The following DDX52 variants were observed in gnomAD, a reference collection of about 807,000 sequenced individuals.
The protein encoded by DDX52 is probable ATP-dependent RNA helicase DDX52.
Under a neutral mutation model 76.1 loss-of-function variants are expected in DDX52, and 59 were observed. The ratio of observed to expected loss-of-function variants is 0.78; its 90% confidence interval spans 0.63 to 0.96. The LOEUF is 0.96. Ranked by LOEUF, DDX52 falls within the 40% of genes least tolerant of loss-of-function variation. DDX52 has a pLI of 0.00. For missense variants in DDX52, 707 were observed against 703.9 expected, an observed-to-expected ratio of 1.00 and a Z score of -0.05; for synonymous variants, 231 against 244.1, an observed-to-expected ratio of 0.95 and a Z score of 0.50.
intron 7 of DDX52, 64 bp downstream of exon 7, chr17:37,626,724 G>A: frequency 2.6e-6 from 4 of 1,516,780 alleles, no homozygotes; most frequent in Non-Finnish European, 3.6e-6. Context: ...ACAAGCAATA[G>A]AGGACAAAAT....
Position 37,639,772 on chromosome 17 carries a change from A to G in DDX52, c.286+2338T>C, listed in dbSNP as rs1445321550. Among the ~76,000 whole-genome samples, 4 of 152,070 alleles carry G rather than the reference A, an allele frequency of 2.6e-5. No individual in the cohort carries two copies. In the East Asian group the frequency reaches 5.8e-4, roughly 22 times the overall value. On this transcript the variant is annotated intron_variant, in intron 2 of 14. Transcript: ENST00000617633. Reference sequence around the variant, plus strand: ...AAAAAAAAAATTGATACATGCCTACACATTTATCATAGATCTACGGCCTAA... The same window carrying G: ...AAAAAAAAAATTGATACATGCCTACGCATTTATCATAGATCTACGGCCTAA...
intron 4 of DDX52, 39 bp downstream of exon 4, chr17:37,632,074 G>A: frequency 3.7e-6 from 6 of 1,611,606 alleles, no homozygotes; most frequent in Non-Finnish European, 5.1e-6. Context: ...AACACACAGA[G>A]GAAGGAATGT....
intron 9 of DDX52, 170 bp downstream of exon 9, chr17:37,624,174 G>A: frequency 2.3e-6 from 1 of 433,208 alleles, no homozygotes; most frequent in Non-Finnish European, 4.1e-6. Context: ...TAAATACGAT[G>A]CAGGATGATC....
intron 9 of DDX52, 90 bp downstream of exon 9, chr17:37,624,254 T>C (rs1313029473): frequency 1.2e-6 from 1 of 849,244 alleles, no homozygotes; most frequent in African/African-American, 1.7e-5. Context: ...AAGATGATGA[T>C]GATACAGTGC....
chr17:37,621,052 T>A (rs2030057920), intron 11 of DDX52, 75 bp downstream of exon 11: 1 of 1,557,280 alleles, frequency 6.4e-7, no homozygotes, highest in Non-Finnish European at 8.6e-7. Context: ...GAAGTGAGCA[T>A]ATGTGCAGGG....
intron 2 of DDX52, among the ~76,000 whole-genome samples, chr17:37,636,618 A>C (rs948867042): frequency 6.6e-6 from 1 of 152,248 alleles, no homozygotes; most frequent in Non-Finnish European, 1.5e-5. Flanking sequence ...AATTCTGCTT[A>C]AAACTGAAGC....
chr17:37,618,048 G>A (rs2029887453), intron 14 of DDX52, among the ~76,000 whole-genome samples: 1 of 152,190 alleles, frequency 6.6e-6, no homozygotes. Flanking sequence ...CCGGGAGGCA[G>A]AGGTTGCAGT....
Position 37,628,592 on chromosome 17 carries a change from C to A in DDX52, c.828G>T (p.Lys276Asn), listed in dbSNP as rs140087840. Residue 276 changes from lysine (K) to asparagine (N), a missense_variant, in exon 6 of 15, where the codon AAG becomes AAT. Transcript: ENST00000617633. Reference protein sequence around the residue: ...HMIHKAAVAAKKFGPKSSKKF... With the variant: ...HMIHKAAVAANKFGPKSSKKF... ...TTTTAGATGATTTAGGTCCAAATTT[C>A]TTGGCTGCCACTGCTGCTTTGTGGA... 7.4e-6 allele frequency: 12 copies of A among 1,612,770 alleles called. No homozygotes were observed. Among genetic ancestry groups the A allele is most frequent in the Non-Finnish European group, 1.0e-5 (12 of 1,179,636 alleles).
chr17:37,625,867 G>C, intron 8 of DDX52, 28 bp downstream of exon 8: 2 of 1,612,042 alleles, frequency 1.2e-6, no homozygotes, highest in Non-Finnish European at 1.7e-6. Flanking sequence ...AAAAATCAGT[G>C]TGATAATGTT....
At chr17:37,622,930 A>G (rs1364553357) in intron 9 of DDX52, among the ~76,000 whole-genome samples, 1 of 152,182 alleles carries the variant, frequency 6.6e-6, no homozygotes, top group Non-Finnish European at 1.5e-5. Flanking sequence ...TGAGGTAGAT[A>G]TTATTATCCC....
Position 37,633,421 on chromosome 17 carries a change from A to G in DDX52, c.287-3T>C, listed in dbSNP as rs760806646. ...ACCTTCTTCTTGGGAAGCAATTTCTAAAATATATTTTTAAAAAGTAAAAGA... is the reference window on the plus strand; with the variant it reads ...ACCTTCTTCTTGGGAAGCAATTTCTGAAATATATTTTTAAAAAGTAAAAGA... On this transcript the variant is annotated splice_region_variant and splice_polypyrimidine_tract_variant and intron_variant, in intron 2 of 14. Coordinates refer to ENST00000617633, the MANE Select transcript of DDX52 (RefSeq NM_007010.5). The G allele has an allele frequency of 6.4e-7, 1 of 1,553,858 alleles. No individual in the cohort carries two copies. Among genetic ancestry groups the G allele is most frequent in the South Asian group, 1.3e-5 (1 of 78,880 alleles).
Position 37,614,102 on chromosome 17 carries a change from G to T in DDX52, c.*194C>A. 1 of 581,024 alleles carries T rather than the reference G, an allele frequency of 1.7e-6. No individual in the cohort carries two copies. Among genetic ancestry groups the T allele is most frequent in the Non-Finnish European group, 2.9e-6 (1 of 348,374 alleles). 36.0% of individuals were successfully genotyped at this position (581,024 alleles called of 1,614,324 possible). A position where few individuals can be genotyped will look rare whatever the true frequency, so the allele number is the denominator to read the frequency against. ...ACATGGCAAGACCCTCATCTCTACA[G>T]GAAAAAAAAAAGGCACCTACAAATT... On this transcript the variant is annotated 3_prime_UTR_variant, in exon 15 of 15. Coordinates refer to ENST00000617633, the MANE Select transcript of DDX52 (RefSeq NM_007010.5).
At chr17:37,639,542 A>C in intron 2 of DDX52, 1 of 584,642 alleles carries the variant, frequency 1.7e-6, no homozygotes, top group Non-Finnish European at 2.2e-6. Context: ...TCGAGACCAT[A>C]CTGGCTAACA....
chr17:37,640,480 C>T (rs995417120), intron 2 of DDX52, among the ~76,000 whole-genome samples: 8 of 151,524 alleles, frequency 5.3e-5, no homozygotes, highest in African/African-American at 1.9e-4. Flanking sequence ...GGCATAAATA[C>T]ATAGGAATAG....
At chr17:37,629,640 C>T (rs2030579132) in intron 5 of DDX52, among the ~76,000 whole-genome samples, 2 of 152,114 alleles carry the variant, frequency 1.3e-5, no homozygotes, top group Non-Finnish European at 2.9e-5. Flanking sequence ...CACTGCATGC[C>T]AGCCTGGGTA....
rs760581408 is a variant in DDX52, at chr17:37,630,031, T to C, written c.746A>G (p.Gln249Arg). 1 of 1,609,044 alleles carries C rather than the reference T, an allele frequency of 6.2e-7. No homozygotes were observed. The part of the protein sequence containing the change: ...IISPTRELAS[Q>R]IHRELIKISE... ...CTCTTCAAAAGCTACAAGTCATACC[T>C]GGCTGGCAAGTTCTCGTGTTGGTGA... Residue 249 changes from glutamine to arginine, a missense_variant and splice_region_variant, in exon 5 of 15, where the codon CAG (glutamine) becomes CGG (arginine). Physicochemically the swap from Gln to Arg is conservative, Grantham distance 43 (BLOSUM62 1). Transcript: ENST00000617633.
intron 4 of DDX52, chr17:37,631,899 G>T (rs769919012): frequency 4.4e-5 from 26 of 596,270 alleles, no homozygotes; most frequent in Admixed American, 6.3e-5. Context: ...GCAGTGTGGG[G>T]GAAAGGGTAC....
chr17:37,628,749 A>C, intron 5 of DDX52, 77 bp from the exon 6 acceptor site: 1 of 1,047,434 alleles, frequency 9.5e-7, no homozygotes. Flanking sequence ...TGATTAATGA[A>C]ATAAATCTAT....
chr17:37,614,245 T>C lies in DDX52; in HGVS notation c.*51A>G. On this transcript the variant is annotated 3_prime_UTR_variant, in exon 15 of 15. Transcript: ENST00000617633. ...AAGTATTCCATGAAAATAACATTCA[T>C]GCTGGGATCATAAAATTACATTTCT... The C allele has an allele frequency of 1.3e-6, 2 of 1,573,928 alleles. No homozygotes were observed. The highest frequency in any genetic ancestry group is 2.7e-5 in the African/African-American group (2 of 73,644).
Sources: gnomAD v4.1 joint callset for allele counts (sites outside exome capture counted in the v4.1 genomes callset) on GRCh38, gnomAD v4.1.1 for gene constraint, MANE v1.5 for transcripts, NCBI Gene and HGNC (gene_info 2026-07-23, HGNC 2026-07-21) for gene names.